SCFD2: variants seen among roughly 807,000 people sequenced by gnomAD.
SCFD2 encodes the protein sec1 family domain-containing protein 2.
SCFD2 carries 54 observed loss-of-function variants against 58.9 expected under a neutral mutation model. The ratio of observed to expected loss-of-function variants is 0.92; its 90% CI spans 0.74 to 1.15. The LOEUF (loss-of-function observed/expected upper bound fraction) is 1.15. Ranked by LOEUF, SCFD2 falls within the 50% of genes most tolerant of loss-of-function variation. The pLI is 0.00. For missense variants in SCFD2, 805 were observed against 836.6 expected, an observed-to-expected ratio of 0.96 and a Z score of 0.47; for synonymous variants, 321 against 335.9, an observed-to-expected ratio of 0.96 and a Z score of 0.49.
chr4:53,024,323 A>G (rs1722419851), intron 5 of SCFD2, among the ~76,000 whole-genome samples: 1 of 152,166 alleles, frequency 6.6e-6, no homozygotes, highest in Non-Finnish European at 1.5e-5. Context: ...CTGAACACCA[A>G]AGGCTTTTCA....
chr4:52,969,530 T>G (rs1721043433), intron 5 of SCFD2, among the ~76,000 whole-genome samples: 1 of 152,188 alleles, frequency 6.6e-6, no homozygotes, highest in Admixed American at 6.5e-5. Flanking sequence ...CCCTGGAAGT[T>G]GGCTTGGCCA....
intron 4 of SCFD2, among the ~76,000 whole-genome samples, chr4:53,218,471 A>G (rs140484651): frequency 0.018 from 2,768 of 152,178 alleles, 89 homozygotes; most frequent in African/African-American, 0.063. Flanking sequence ...CATGGTTCTC[A>G]TGTCATGGTT....
At chr4:53,317,039 A>G (rs7684333) in intron 2 of SCFD2, among the ~76,000 whole-genome samples, 147,926 of 151,280 alleles carry the variant, frequency 0.98, 72,423 homozygotes, top group Middle Eastern at 1. Flanking sequence ...CCCGGGAGGT[A>G]GAGGTTGCAG....
intron 4 of SCFD2, among the ~76,000 whole-genome samples, chr4:53,193,684 G>A (rs1727979069): frequency 6.6e-6 from 1 of 152,080 alleles, no homozygotes; most frequent in African/African-American, 2.4e-5. Context: ...TCTGTTTAAG[G>A]GGGAAAAGAA....
intron 4 of SCFD2, among the ~76,000 whole-genome samples, chr4:53,163,016 G>T (rs1194773518): frequency 6.6e-6 from 1 of 152,102 alleles, no homozygotes; most frequent in Non-Finnish European, 1.5e-5. Context: ...CCTTATGAGA[G>T]TGACCAGCAA....
intron 4 of SCFD2, among the ~76,000 whole-genome samples, chr4:53,252,056 G>A (rs1407730574): frequency 1.3e-5 from 2 of 150,964 alleles, no homozygotes; most frequent in African/African-American, 4.9e-5. Flanking sequence ...CAAAATCAAT[G>A]TACAAAAATC....
intron 7 of SCFD2, among the ~76,000 whole-genome samples, chr4:52,900,852 C>A (rs1301902693): frequency 5.9e-5 from 9 of 152,188 alleles, no homozygotes; most frequent in Non-Finnish European, 1.3e-4. Flanking sequence ...GGGCACCCCT[C>A]CCCCAGCCTC....
intron 5 of SCFD2, among the ~76,000 whole-genome samples, chr4:52,986,634 G>GAC (rs999562420): frequency 4.0e-5 from 6 of 151,264 alleles, no homozygotes; most frequent in African/African-American, 1.5e-4. Flanking sequence ...GAGTAGCTGG[G>GAC]ACTACAGGCG....
intron 4 of SCFD2, among the ~76,000 whole-genome samples, chr4:53,246,224 GC>G (rs1730066254): frequency 6.6e-6 from 1 of 152,148 alleles, no homozygotes; most frequent in East Asian, 1.9e-4. Flanking sequence ...AAAATTTCAT[GC>G]TCATGGATAG....
intron 4 of SCFD2, among the ~76,000 whole-genome samples, chr4:53,198,372 T>G (rs1728123200): frequency 6.6e-6 from 1 of 152,012 alleles, no homozygotes; most frequent in South Asian, 2.1e-4. Context: ...AAACAGGATT[T>G]TTTTAAATCT....
intron 5 of SCFD2, among the ~76,000 whole-genome samples, chr4:53,094,193 G>A (rs1724552673): frequency 6.6e-6 from 1 of 152,092 alleles, no homozygotes; most frequent in African/African-American, 2.4e-5. Flanking sequence ...TTTCCACTGT[G>A]CATCACATTC....
chr4:53,119,899 G>A (rs1169787701), intron 5 of SCFD2, among the ~76,000 whole-genome samples: 1 of 152,310 alleles, frequency 6.6e-6, no homozygotes, highest in Non-Finnish European at 1.5e-5. Flanking sequence ...AGGGGTGAGA[G>A]AGTGTTGGAT....
chr4:53,076,292 T>A (rs1479492013), intron 5 of SCFD2, among the ~76,000 whole-genome samples: 3 of 149,910 alleles, frequency 2.0e-5, no homozygotes, highest in Admixed American at 6.7e-5. Context: ...GCTAAAAAAA[T>A]TCCAATTTTA....
chr4:52,875,975 C>G (rs973728261), intron 8 of SCFD2, among the ~76,000 whole-genome samples: 1 of 151,442 alleles, frequency 6.6e-6, no homozygotes, highest in African/African-American at 2.4e-5. Flanking sequence ...GATTGGCCTT[C>G]TCTATCATCT....
At chr4:53,051,575 T>G (rs1345476782) in intron 5 of SCFD2, among the ~76,000 whole-genome samples, 5 of 152,130 alleles carry the variant, frequency 3.3e-5, no homozygotes, top group Non-Finnish European at 7.4e-5. Context: ...AAAATTAAAT[T>G]TTATTAGGTA....
chr4:53,277,987 A>G (rs896976954), intron 3 of SCFD2, among the ~76,000 whole-genome samples: 2 of 151,590 alleles, frequency 1.3e-5, no homozygotes, highest in African/African-American at 4.9e-5. Context: ...CGGGAGGCGG[A>G]GCTTGCAGTA....
intron 2 of SCFD2, among the ~76,000 whole-genome samples, chr4:53,332,211 A>G (rs539301581): frequency 1.3e-3 from 199 of 151,042 alleles, no homozygotes; most frequent in Non-Finnish European, 1.9e-3. Context: ...TATTCCAATC[A>G]ATAGAAAAAG....
chr4:53,198,517 T>C (rs1255164343), intron 4 of SCFD2, among the ~76,000 whole-genome samples: 2 of 152,116 alleles, frequency 1.3e-5, no homozygotes, highest in Non-Finnish European at 2.9e-5. Flanking sequence ...ATTATTGTAA[T>C]CATGTTTAAA....
chr4:52,926,565 G>T (rs1285228810), intron 5 of SCFD2, among the ~76,000 whole-genome samples: 5 of 152,256 alleles, frequency 3.3e-5, no homozygotes, highest in African/African-American at 1.2e-4. Context: ...GGCCACTCAG[G>T]CCCCTCACAT....
Sources: gnomAD v4.1 joint callset for allele counts (sites outside exome capture counted in the v4.1 genomes callset) on GRCh38, gnomAD v4.1.1 for gene constraint, MANE v1.5 for transcripts, NCBI Gene and HGNC (gene_info 2026-07-23, HGNC 2026-07-21) for gene names.